The following SLC8A3 variants were observed in gnomAD, a reference collection of about 807,000 sequenced individuals.
The protein encoded by SLC8A3 is sodium/calcium exchanger 3.
A neutral mutation model predicts 65.4 loss-of-function variants in SLC8A3; 37 were observed. The observed-to-expected ratio is 0.57, with a 90% CI of 0.44 to 0.74. The LOEUF is 0.74. SLC8A3 is among the 30% of genes least tolerant of loss of function. The pLI is 0.00. For synonymous variants in SLC8A3, 461 were observed against 444.5 expected, an observed-to-expected ratio of 1.04 and a Z score of -0.47; for missense variants, 1,112 against 1,172.1, an observed-to-expected ratio of 0.95 and a Z score of 0.75.
intron 2 of SLC8A3, among the ~76,000 whole-genome samples, chr14:70,103,969 A>G (rs1208161367): frequency 6.6e-6 from 1 of 152,106 alleles, no homozygotes; most frequent in Non-Finnish European, 1.5e-5. Flanking sequence ...TAAGCATAAA[A>G]AGGATGAAGT....
chr14:70,126,811 T>C (rs1894489911), intron 2 of SLC8A3, among the ~76,000 whole-genome samples: 1 of 151,902 alleles, frequency 6.6e-6, no homozygotes, highest in African/African-American at 2.4e-5. Flanking sequence ...TGAGTGCCAA[T>C]ATGACACTCA....
At chr14:70,071,353 T>C (rs896193551) in intron 2 of SLC8A3, among the ~76,000 whole-genome samples, 2 of 152,114 alleles carry the variant, frequency 1.3e-5, no homozygotes, top group African/African-American at 4.8e-5. Flanking sequence ...CCTGATTGAA[T>C]CGCATGAACG....
intron 1 of SLC8A3, among the ~76,000 whole-genome samples, chr14:70,180,846 C>T (rs909945312): frequency 6.6e-6 from 1 of 152,142 alleles, no homozygotes; most frequent in Non-Finnish European, 1.5e-5. Flanking sequence ...GGAGTGCCAA[C>T]CTGGGGCCCT....
At chr14:70,114,686 A>C (rs1021013851) in intron 2 of SLC8A3, among the ~76,000 whole-genome samples, 1 of 152,206 alleles carries the variant, frequency 6.6e-6, no homozygotes, top group African/African-American at 2.4e-5. Flanking sequence ...CGACTCTGCA[A>C]TTATATAACC....
At chr14:70,095,564 A>C (rs945699334) in intron 2 of SLC8A3, among the ~76,000 whole-genome samples, 11 of 152,098 alleles carry the variant, frequency 7.2e-5, no homozygotes, top group African/African-American at 2.7e-4. Flanking sequence ...TCTTTACTCC[A>C]TTTCGCTGCC....
chr14:70,140,685 G>C (rs1019108664), intron 2 of SLC8A3, among the ~76,000 whole-genome samples: 2 of 152,222 alleles, frequency 1.3e-5, no homozygotes, highest in African/African-American at 4.8e-5. Flanking sequence ...GAGTCTGGCA[G>C]GTAATGTAGG....
intron 2 of SLC8A3, among the ~76,000 whole-genome samples, chr14:70,111,632 A>G (rs1415633300): frequency 3.3e-5 from 5 of 152,248 alleles, no homozygotes; most frequent in Admixed American, 3.3e-4. Context: ...ACAGTGACAT[A>G]TCGGCTGGCA....
At chr14:70,085,639 A>G (rs1468818326) in intron 2 of SLC8A3, among the ~76,000 whole-genome samples, 4 of 152,332 alleles carry the variant, frequency 2.6e-5, no homozygotes, top group Middle Eastern at 3.4e-3. Flanking sequence ...CAGTTTCAAG[A>G]TTTCGCAGTC....
At chr14:70,152,307 A>G (rs1357511809) in intron 2 of SLC8A3, among the ~76,000 whole-genome samples, 1 of 152,182 alleles carries the variant, frequency 6.6e-6, no homozygotes, top group Non-Finnish European at 1.5e-5. Flanking sequence ...CATCCCGCCA[A>G]CACCTCCACC....
intron 1 of SLC8A3, among the ~76,000 whole-genome samples, chr14:70,184,736 GT>G: frequency 6.6e-6 from 1 of 152,324 alleles, no homozygotes; most frequent in African/African-American, 2.4e-5. Flanking sequence ...TGGAATGTGT[GT>G]TTATGAGGAA....
At chr14:70,136,964 G>A (rs1344958915) in intron 2 of SLC8A3, among the ~76,000 whole-genome samples, 1 of 152,126 alleles carries the variant, frequency 6.6e-6, no homozygotes, top group Non-Finnish European at 1.5e-5. Flanking sequence ...TCTCTTTATT[G>A]AATGAAGAAA....
intron 1 of SLC8A3, among the ~76,000 whole-genome samples, chr14:70,186,745 C>T (rs1255646871): frequency 6.6e-6 from 1 of 152,174 alleles, no homozygotes. Context: ...CTTTGACCAT[C>T]AGCCATCCTC....
chr14:70,055,695 C>A, intron 3 of SLC8A3: 1 of 921,388 alleles, frequency 1.1e-6, no homozygotes, highest in South Asian at 1.8e-5. Flanking sequence ...TTAACTTGAG[C>A]CTGCAGTTCT....
At chr14:70,165,418 T>C (rs1196121183) in intron 2 of SLC8A3, among the ~76,000 whole-genome samples, 1 of 152,100 alleles carries the variant, frequency 6.6e-6, no homozygotes, top group Non-Finnish European at 1.5e-5. Flanking sequence ...CTTCTAGAGG[T>C]TGTATGGCTT....
chr14:70,052,135 A>T (rs1887585729), intron 3 of SLC8A3, 21 bp from the exon 4 acceptor site: 1 of 1,581,082 alleles, frequency 6.3e-7, no homozygotes, highest in Non-Finnish European at 8.6e-7. Flanking sequence ...ACAAAATCAG[A>T]CTCGCTTTAA....
chr14:70,103,529 G>A (rs886090384), intron 2 of SLC8A3, among the ~76,000 whole-genome samples: 1 of 151,984 alleles, frequency 6.6e-6, no homozygotes, highest in East Asian at 1.9e-4. Context: ...GAGTGTAAAG[G>A]GACATAGACT....
intron 1 of SLC8A3, among the ~76,000 whole-genome samples, chr14:70,187,465 G>A (rs1183347019): frequency 1.3e-5 from 2 of 151,942 alleles, no homozygotes; most frequent in African/African-American, 2.4e-5. Flanking sequence ...AAAATACAAT[G>A]AATTAAGACG....
At chr14:70,068,476 C>T (rs2139891202) in intron 2 of SLC8A3, among the ~76,000 whole-genome samples, 1 of 152,232 alleles carries the variant, frequency 6.6e-6, no homozygotes, top group Admixed American at 6.5e-5. Flanking sequence ...CTCCTGTGCT[C>T]AGGCCGTCCT....
intron 2 of SLC8A3, among the ~76,000 whole-genome samples, chr14:70,082,190 C>A (rs1369710769): frequency 6.6e-5 from 10 of 152,072 alleles, no homozygotes; most frequent in Non-Finnish European, 1.2e-4. Flanking sequence ...TGTCCAAAAC[C>A]GACTGACCCT....
Sources: gnomAD v4.1 joint callset for allele counts (sites outside exome capture counted in the v4.1 genomes callset) on GRCh38, gnomAD v4.1.1 for gene constraint, MANE v1.5 for transcripts, NCBI Gene and HGNC (gene_info 2026-07-23, HGNC 2026-07-21) for gene names.